The following TLE4 variants were observed in gnomAD, a reference collection of about 807,000 sequenced individuals.
TLE4 encodes the protein TLE family member 4, transcriptional corepressor.
TLE4 carries 8 observed loss-of-function variants against 92.8 expected under a neutral mutation model. That is an observed-to-expected ratio of 0.09 (90% CI 0.05 to 0.16). The LOEUF (loss-of-function observed/expected upper bound fraction) is 0.16, where lower values mean the gene tolerates loss of function less well. TLE4 is among the 10% of genes least tolerant of loss of function. The pLI is 1.00. For missense variants in TLE4, 675 were observed against 997.6 expected (o/e 0.68, Z 4.36); for synonymous variants, 371 against 374.1 (o/e 0.99, Z 0.10).
chr9:79,631,563 G>T (rs2054199436), intron 6 of TLE4, among the ~76,000 whole-genome samples: 1 of 149,282 alleles, frequency 6.7e-6, no homozygotes. Flanking sequence ...TACCTTTGCG[G>T]TCCCCCCCTT....
chr9:79,683,886 C>T (rs1047984119), intron 8 of TLE4, among the ~76,000 whole-genome samples: 5 of 152,094 alleles, frequency 3.3e-5, no homozygotes, highest in African/African-American at 4.8e-5. Flanking sequence ...AATGATGAAA[C>T]GTGCAGAAAT....
At chr9:79,713,994 GC>G (rs1255573029) in intron 14 of TLE4, among the ~76,000 whole-genome samples, 1 of 151,982 alleles carries the variant, frequency 6.6e-6, no homozygotes, top group Non-Finnish European at 1.5e-5. Flanking sequence ...CTCCCAAGTA[GC>G]TGGGATTACA....
intron 8 of TLE4, chr9:79,671,136 A>G (rs1408530581): frequency 2.5e-6 from 1 of 401,042 alleles, no homozygotes; most frequent in African/African-American, 2.0e-5. Flanking sequence ...GCACATATTT[A>G]ATTCCATTGG....
chr9:79,626,738 C>T (rs549248110), intron 5 of TLE4, among the ~76,000 whole-genome samples: 1 of 152,058 alleles, frequency 6.6e-6, no homozygotes, highest in Non-Finnish European at 1.5e-5. Flanking sequence ...AAAAAATTAT[C>T]GTACACTTTT....
Position 79,649,904 on chromosome 9 carries a change from T to G in TLE4, c.391-2689T>G, listed in dbSNP as rs368788293. On this transcript the variant is annotated intron_variant, in intron 6 of 19. Coordinates refer to ENST00000376552, the MANE Select transcript of TLE4 (RefSeq NM_007005.6). ...GCTTTTTGTTGTTGTTGTTGTTGTT[T>G]TTTTGTTTTTTGTTTTTTGTTTTTT... 1,239 of 1,320,160 alleles carry G rather than the reference T, an allele frequency of 9.4e-4. 3 individuals carry two copies. The highest frequency in any genetic ancestry group is 1.4e-3 in the South Asian group (116 of 80,608). 81.8% of individuals were successfully genotyped at this position (1,320,160 alleles called of 1,614,324 possible).
At chr9:79,668,956 C>A in intron 8 of TLE4, 1 of 421,148 alleles carries the variant, frequency 2.4e-6, no homozygotes. Context: ...TACTGGACAA[C>A]ATAGTGTGAC....
intron 4 of TLE4, among the ~76,000 whole-genome samples, chr9:79,597,179 T>G (rs2791574): frequency 0.42 from 63,451 of 151,944 alleles, 14,635 homozygotes; most frequent in African/African-American, 0.62. Context: ...CTTTCCTTGC[T>G]CTCACCACGG....
chr9:79,664,743 A>G (rs1181424662), intron 8 of TLE4, among the ~76,000 whole-genome samples: 5 of 151,914 alleles, frequency 3.3e-5, no homozygotes, highest in Admixed American at 2.6e-4. Flanking sequence ...TCAAATTGCC[A>G]TCCTCCTTCT....
intron 8 of TLE4, among the ~76,000 whole-genome samples, chr9:79,662,139 CTT>C (rs1296042359): frequency 1.4e-4 from 21 of 152,192 alleles, no homozygotes; most frequent in Admixed American, 1.3e-3. Flanking sequence ...GTTAAAATGT[CTT>C]AAGTATTCTT....
At chr9:79,609,866 TG>T (rs1455501398) in intron 4 of TLE4, among the ~76,000 whole-genome samples, 4 of 152,100 alleles carry the variant, frequency 2.6e-5, no homozygotes, top group Admixed American at 2.6e-4. Flanking sequence ...CTAACAGTAC[TG>T]GCGTAGCCTG....
intron 4 of TLE4, among the ~76,000 whole-genome samples, chr9:79,604,025 T>C (rs1158159283): frequency 6.6e-6 from 1 of 152,202 alleles, no homozygotes; most frequent in Non-Finnish European, 1.5e-5. Context: ...AGCACTAGTC[T>C]AGTCCATGTA....
intron 8 of TLE4, among the ~76,000 whole-genome samples, chr9:79,664,140 G>T (rs1244127699): frequency 6.6e-6 from 1 of 152,228 alleles, no homozygotes; most frequent in Non-Finnish European, 1.5e-5. Context: ...AGTCCCCAGG[G>T]CCTTGCCCTA....
chr9:79,701,106 A>G (rs2069724640), intron 8 of TLE4, among the ~76,000 whole-genome samples: 1 of 152,222 alleles, frequency 6.6e-6, no homozygotes, highest in African/African-American at 2.4e-5. Context: ...CAAAGATCCA[A>G]GTGGCATTCC....
intron 8 of TLE4, among the ~76,000 whole-genome samples, chr9:79,683,900 A>G (rs2065245839): frequency 6.6e-6 from 1 of 152,192 alleles, no homozygotes; most frequent in South Asian, 2.1e-4. Context: ...CAGAAATGGT[A>G]TTGGTGAAGC....
intron 4 of TLE4, among the ~76,000 whole-genome samples, chr9:79,587,885 A>G (rs946049808): frequency 6.6e-6 from 1 of 152,214 alleles, no homozygotes; most frequent in Admixed American, 6.5e-5. Flanking sequence ...AAAGCACTAA[A>G]TGCTTCAGAT....
At chr9:79,662,836 C>A (rs11793510) in intron 8 of TLE4, among the ~76,000 whole-genome samples, 1 of 152,082 alleles carries the variant, frequency 6.6e-6, no homozygotes, top group African/African-American at 2.4e-5. Flanking sequence ...TGATTGTCTC[C>A]GTGTGTTCTT....
chr9:79,620,464 T>G (rs2050686728), intron 5 of TLE4, among the ~76,000 whole-genome samples: 1 of 152,006 alleles, frequency 6.6e-6, no homozygotes, highest in African/African-American at 2.4e-5. Context: ...TAAGTGAGAG[T>G]GGAGAAGGCA....
intron 8 of TLE4, among the ~76,000 whole-genome samples, chr9:79,702,463 G>A (rs1235774810): frequency 2.0e-5 from 3 of 152,192 alleles, no homozygotes; most frequent in Non-Finnish European, 2.9e-5. Context: ...AGTGCATTGG[G>A]TTGTGTGAAA....
At chr9:79,691,351 T>C (rs2067040347) in intron 8 of TLE4, among the ~76,000 whole-genome samples, 1 of 152,226 alleles carries the variant, frequency 6.6e-6, no homozygotes, top group Non-Finnish European at 1.5e-5. Flanking sequence ...AGAAGGTTTA[T>C]ATTGTACACT....
Sources: allele counts gnomAD v4.1 joint callset (sites outside exome capture counted in the v4.1 genomes callset), GRCh38; gene constraint gnomAD v4.1.1; transcripts MANE v1.5; gene names NCBI Gene and HGNC (gene_info 2026-07-23, HGNC 2026-07-21).